TRIB3: variants seen among roughly 807,000 people sequenced by gnomAD.
TRIB3 encodes tribbles homolog 3.
A neutral mutation model predicts 16.6 loss-of-function variants in TRIB3; 20 were observed. That is an observed-to-expected ratio of 1.20 (90% CI 0.85 to 1.75). The LOEUF is 1.75. TRIB3 is among the 40% of genes most tolerant of loss of function. The probability of loss-of-function intolerance (pLI) is 0.00; values close to 1 mark genes in which losing one functional copy is unlikely to be tolerated. For synonymous variants in TRIB3, 208 were observed against 217.0 expected (o/e 0.96, Z 0.36); for missense variants, 484 against 488.9 (o/e 0.99, Z 0.10).
In TRIB3 at chr20:396,439, G is replaced by A. The variant is rs146095753; in HGVS notation, c.826G>A (p.Gly276Arg). Residue 276 changes from glycine (G) to arginine (R), a missense_variant, in exon 4 of 4, where the codon GGG becomes AGG. Gly to Arg is a moderately radical substitution (Grantham distance 125). Coordinates refer to ENST00000217233, the MANE Select transcript of TRIB3 (RefSeq NM_021158.5). ...CCTGCTCTTCGGCAAGATCCGCCGC[G>A]GGGCCTACGCCTTGCCTGCAGGCCT... ...PVLLFGKIRR[G>R]AYALPAGLSA... 1,825 of 1,612,750 alleles carry A rather than the reference G, an allele frequency of 1.1e-3. 3 individuals carry two copies. The highest frequency in any genetic ancestry group is 1.4e-3 in the Non-Finnish European group (1,706 of 1,180,002).
rs56291463 is a variant in TRIB3 at position 396,434 on chromosome 20, G to A, written c.821G>A (p.Arg274His). Residue 274 changes from arginine (R) to histidine (H), a missense_variant, in exon 4 of 4, where the codon CGC (arginine) becomes CAC (histidine). Transcript: ENST00000217233. ...CCTGTCCTGCTCTTCGGCAAGATCCGCCGCGGGGCCTACGCCTTGCCTGCA... is the reference window on the plus strand; with the variant it reads ...CCTGTCCTGCTCTTCGGCAAGATCCACCGCGGGGCCTACGCCTTGCCTGCA... ...SEPVLLFGKI[R>H]RGAYALPAGL... The A allele has an allele frequency of 3.0e-5, 48 of 1,612,616 alleles. No individual in the cohort carries two copies. Among genetic ancestry groups the A allele is most frequent in the Middle Eastern group, 3.3e-4 (2 of 6,082 alleles).
In TRIB3 at chr20:396,816, G is replaced by C. The variant is rs1442908833; in HGVS notation, c.*126G>C. 1.4e-6 allele frequency: 2 copies of C among 1,389,568 alleles called. No individual in the cohort carries two copies. The highest frequency in any genetic ancestry group is 1.4e-5 in the African/African-American group (1 of 69,660). The allele number at this position is 1,389,568 out of a possible 1,614,324, so 86.1% of individuals were successfully genotyped here. A position where few individuals can be genotyped will look rare whatever the true frequency, so the allele number is the denominator to read the frequency against. On this transcript the variant is annotated 3_prime_UTR_variant, in exon 4 of 4. Coordinates refer to ENST00000217233, the MANE Select transcript of TRIB3 (RefSeq NM_021158.5). The stretch of plus-strand genomic sequence containing the variant: ...CCAGAAGGGAGAAAGGCAGAAGCCT[G>C]TGTGGAGTGTGCTGTGTACACATCT...
rs140625447 is a variant in TRIB3 at position 390,184 on chromosome 20, C to A, written c.292-1103C>A. 5.1e-3 allele frequency among the ~76,000 whole-genome samples: 769 copies of A among 152,026 alleles called. 9 individuals carry two copies. The highest frequency in any genetic ancestry group is 0.017 in the African/African-American group (724 of 41,470). ...TCTATTAAAAATACAAAAAATTAGCCGGGCATGGTGGCAGGGGCCTGTAAT... is the reference window on the plus strand; with the variant it reads ...TCTATTAAAAATACAAAAAATTAGCAGGGCATGGTGGCAGGGGCCTGTAAT... On this transcript the variant is annotated intron_variant, in intron 2 of 3. Coordinates refer to ENST00000217233, the MANE Select transcript of TRIB3 (RefSeq NM_021158.5).
chr20:386,344 A>G (rs1390391588), intron 1 of TRIB3, among the ~76,000 whole-genome samples: 1 of 152,190 alleles, frequency 6.6e-6, no homozygotes, highest in Non-Finnish European at 1.5e-5. Context: ...TTTCTTAACT[A>G]TAATTTTTAG....
At position 397,542 on chromosome 20, in the gene TRIB3, A is replaced by G. The variant is rs149747048; in HGVS notation, c.*852A>G. 6.6e-6 allele frequency: 1 copy of G among 152,332 alleles called. No homozygotes were observed. The highest frequency in any genetic ancestry group is 2.4e-5 in the African/African-American group (1 of 41,582). 9.4% of individuals were successfully genotyped at this position (152,332 alleles called of 1,614,324 possible). On this transcript the variant is annotated 3_prime_UTR_variant, in exon 4 of 4. Transcript: ENST00000217233. ...ATGTATGTTTACCTGTGCCTAATAAAGGAGAATTATGAAATAATTTTATTT... is the reference window on the plus strand; with the variant it reads ...ATGTATGTTTACCTGTGCCTAATAAGGGAGAATTATGAAATAATTTTATTT...
intron 3 of TRIB3, 79 bp from the exon 4 acceptor site, chr20:396,119 C>T: frequency 3.3e-6 from 5 of 1,535,026 alleles, no homozygotes; most frequent in Non-Finnish European, 3.5e-6. Flanking sequence ...AAAGTGGGTG[C>T]CACAAGGGTG....
rs149447454 is a variant in TRIB3, at chr20:391,536, C to G, written c.541C>G (p.Arg181Gly). Residue 181 changes from arginine (R) to glycine (G), a missense_variant, in exon 3 of 4, where the codon CGT (arginine) becomes GGT (glycine). Arg to Gly is a moderately radical substitution (Grantham distance 125). Coordinates refer to ENST00000217233, the MANE Select transcript of TRIB3 (RefSeq NM_021158.5). ...AHCHQHGLVL[R>G]DLKLCRFVFA... ...CTGTCACCAGCACGGTCTGGTCCTGCGTGATCTCAAGCTGTGTCGCTTTGT... is the reference window on the plus strand; with the variant it reads ...CTGTCACCAGCACGGTCTGGTCCTGGGTGATCTCAAGCTGTGTCGCTTTGT... The G allele has an allele frequency of 6.2e-7, 1 of 1,613,240 alleles. No homozygotes were observed. Among genetic ancestry groups the G allele is most frequent in the Non-Finnish European group, 8.5e-7 (1 of 1,179,872 alleles).
chr20:387,103 T>C (rs1230688989), intron 1 of TRIB3, among the ~76,000 whole-genome samples: 1 of 152,096 alleles, frequency 6.6e-6, no homozygotes, highest in Non-Finnish European at 1.5e-5. Context: ...CGGCCAAACA[T>C]GGTGACTCAC....
At chr20:383,255 C>T (rs2014710570) in intron 1 of TRIB3, among the ~76,000 whole-genome samples, 1 of 152,138 alleles carries the variant, frequency 6.6e-6, no homozygotes. Context: ...CACATTGTTC[C>T]GTTGTGTGGA....
In TRIB3 at chr20:391,179, C is replaced by A. The variant is rs572570300; in HGVS notation, c.292-108C>A. 7 of 1,250,086 alleles carry A rather than the reference C, an allele frequency of 5.6e-6. No individual in the cohort carries two copies. In the South Asian group the frequency reaches 9.4e-5, roughly 17 times the overall value. 77.4% of individuals were successfully genotyped at this position (1,250,086 alleles called of 1,614,324 possible). On this transcript the variant is annotated intron_variant, in intron 2 of 3. Transcript: ENST00000217233. Reference sequence around the variant, plus strand: ...GACTCGGTCAGTGAAGCGCTTGGTGCGATGCCTAGCACATGGTAGTGTCTA... The same window carrying A: ...GACTCGGTCAGTGAAGCGCTTGGTGAGATGCCTAGCACATGGTAGTGTCTA...
intron 1 of TRIB3, among the ~76,000 whole-genome samples, chr20:387,160 G>C (rs2014840441): frequency 6.6e-6 from 1 of 152,136 alleles, no homozygotes; most frequent in African/African-American, 2.4e-5. Context: ...AGGATTGCTT[G>C]AGCTCAGGTG....
At chr20:392,603 C>T (rs942236952) in intron 3 of TRIB3, among the ~76,000 whole-genome samples, 24 of 151,776 alleles carry the variant, frequency 1.6e-4, no homozygotes, top group African/African-American at 5.8e-4. Flanking sequence ...GTCACCCAGG[C>T]TGGAATGCAA....
Position 391,295 on chromosome 20 carries a change from C to G in TRIB3, c.300C>G (p.Pro100=). 6.2e-7 allele frequency: 1 copy of G among 1,611,872 alleles called. No individual in the cohort carries two copies. Among genetic ancestry groups the G allele is most frequent in the Non-Finnish European group, 8.5e-7 (1 of 1,179,878 alleles). ...TGTEYTCKVY[P]VQEALAVLEP... is the part of the protein sequence containing the mutation. ...CCATGCTCTGCCCACAGGTGTACCC[C>G]GTCCAGGAAGCCCTGGCCGTGCTGG... is the stretch of plus-strand genomic sequence containing the variant. The change falls in exon 3 of 4, where the codon CCC becomes CCG. Residue 100 remains proline, a synonymous_variant. Coordinates refer to ENST00000217233, the MANE Select transcript of TRIB3 (RefSeq NM_021158.5).
chr20:394,057 G>A (rs2015055986), intron 3 of TRIB3, among the ~76,000 whole-genome samples: 1 of 139,010 alleles, frequency 7.2e-6, no homozygotes, highest in African/African-American at 2.7e-5. Flanking sequence ...TTGAGACAGA[G>A]TCTCGCTCTG....
intron 3 of TRIB3, 135 bp from the exon 4 acceptor site, chr20:396,063 C>T: frequency 2.3e-6 from 3 of 1,310,616 alleles, no homozygotes; most frequent in South Asian, 1.4e-5. Context: ...CAGGATCAGA[C>T]ATCACAGGAC....
At chr20:387,535 G>A (rs1185940329) in intron 1 of TRIB3, among the ~76,000 whole-genome samples, 29 of 149,410 alleles carry the variant, frequency 1.9e-4, no homozygotes, top group African/African-American at 2.7e-4. Context: ...TGAGACCAGC[G>A]TGGGCAACAT....
chr20:393,450 G>A (rs1244423209), intron 3 of TRIB3, among the ~76,000 whole-genome samples: 1 of 152,056 alleles, frequency 6.6e-6, no homozygotes, highest in African/African-American at 2.4e-5. Context: ...TCCCACCTCA[G>A]CCTCCTGAGT....
chr20:386,932 T>TA (rs1412910255), intron 1 of TRIB3, among the ~76,000 whole-genome samples: 12 of 151,706 alleles, frequency 7.9e-5, no homozygotes, highest in African/African-American at 2.9e-4. Flanking sequence ...TTGTATTTTT[T>TA]AGTAGAGACA....
chr20:389,266 G>A (rs549832557), intron 2 of TRIB3, among the ~76,000 whole-genome samples: 2 of 152,276 alleles, frequency 1.3e-5, no homozygotes, highest in Middle Eastern at 3.4e-3. Flanking sequence ...GACAGAGCCA[G>A]GTGGTATCAG....
Sources: gnomAD v4.1 joint callset for allele counts (sites outside exome capture counted in the v4.1 genomes callset) on GRCh38, gnomAD v4.1.1 for gene constraint, MANE v1.5 for transcripts, NCBI Gene and HGNC (gene_info 2026-07-23, HGNC 2026-07-21) for gene names.